Variants in CLASP1 observed in about 807,000 individuals in gnomAD.
CLASP1 encodes the protein cytoplasmic linker associated protein 1.
Under a neutral mutation model 192.3 loss-of-function variants are expected in CLASP1, and 38 were observed. The ratio of observed to expected loss-of-function variants is 0.20; its 90% CI spans 0.15 to 0.26. CLASP1 has a LOEUF of 0.26. Among genes scored for constraint, CLASP1 ranks in the 10% least tolerant of loss-of-function variants. The pLI is 1.00. For synonymous variants in CLASP1, 691 were observed against 712.8 expected (o/e 0.97, Z 0.49); for missense variants, 1,433 against 1,932.5 (o/e 0.74, Z 4.85).
chr2:121,502,404 A>G (rs1313418908), intron 8 of CLASP1, among the ~76,000 whole-genome samples: 1 of 152,208 alleles, frequency 6.6e-6, no homozygotes, highest in Non-Finnish European at 1.5e-5. Flanking sequence ...AACCCTGGAC[A>G]TGCTATTCTG....
chr2:121,622,425 C>T (rs1315923164), intron 1 of CLASP1, among the ~76,000 whole-genome samples: 1 of 151,584 alleles, frequency 6.6e-6, no homozygotes, highest in Non-Finnish European at 1.5e-5. Flanking sequence ...AAAAATTAGC[C>T]AGGCGTGGTG....
At chr2:121,384,709 C>T (rs985649926) in intron 32 of CLASP1, among the ~76,000 whole-genome samples, 11 of 152,066 alleles carry the variant, frequency 7.2e-5, no homozygotes, top group African/African-American at 2.2e-4. Flanking sequence ...TTCGAGACTC[C>T]GTTTCTACTA....
At chr2:121,377,726 A>G in intron 33 of CLASP1, 77 bp from the exon 35 acceptor site, 1 of 999,532 alleles carries the variant, frequency 1.0e-6, no homozygotes, top group Non-Finnish European at 1.4e-6. Context: ...GTTACTTCCC[A>G]CAATTTAAAG....
At chr2:121,418,570 C>T in intron 23 of CLASP1, 52 bp downstream of exon 23, 1 of 1,275,856 alleles carries the variant, frequency 7.8e-7, no homozygotes, top group Non-Finnish European at 1.1e-6. Flanking sequence ...GTGTCTCGGA[C>T]AAGCAGGGAA....
Position 121,515,777 on chromosome 2 carries a change from A to C in CLASP1, c.547-15T>G. On this transcript the variant is annotated splice_polypyrimidine_tract_variant and intron_variant, in intron 6 of 39. Transcript: ENST00000263710. ...GCATCTCGAACCTAGATATAAAAGA[A>C]GAGATCTTACAGCTGCTCTGTGTCA... 1 of 1,609,208 alleles carries C rather than the reference A, an allele frequency of 6.2e-7. No individual in the cohort carries two copies. The highest frequency in any genetic ancestry group is 8.5e-7 in the Non-Finnish European group (1 of 1,175,744).
intron 1 of CLASP1, among the ~76,000 whole-genome samples, chr2:121,637,984 A>G (rs568462473): frequency 6.6e-6 from 1 of 152,286 alleles, no homozygotes; most frequent in South Asian, 2.1e-4. Context: ...GAGATAACAC[A>G]AGCAACAAAA....
chr2:121,517,816 C>T (rs1434938453), intron 6 of CLASP1, among the ~76,000 whole-genome samples: 3 of 140,492 alleles, frequency 2.1e-5, no homozygotes, highest in African/African-American at 7.8e-5. Context: ...AGCTATAATC[C>T]TACCACCACA....
At chr2:121,450,203 C>T (rs1423090595) in intron 16 of CLASP1, among the ~76,000 whole-genome samples, 2 of 151,912 alleles carry the variant, frequency 1.3e-5, no homozygotes, top group Non-Finnish European at 2.9e-5. Context: ...TGAGGGCAGG[C>T]GCCTGTAGTC....
intron 31 of CLASP1, among the ~76,000 whole-genome samples, 154 bp downstream of exon 32, chr2:121,387,609 T>C (rs2073536350): frequency 6.6e-6 from 1 of 152,184 alleles, no homozygotes; most frequent in Non-Finnish European, 1.5e-5. Flanking sequence ...ATTCATTCAT[T>C]CACTGGGGCT....
At chr2:121,514,586 C>T (rs533969379) in intron 7 of CLASP1, among the ~76,000 whole-genome samples, 1 of 152,114 alleles carries the variant, frequency 6.6e-6, no homozygotes, top group Non-Finnish European at 1.5e-5. Flanking sequence ...TTATTCCCAT[C>T]TAATCATCCT....
At chr2:121,576,075 A>G (rs901711034) in intron 2 of CLASP1, among the ~76,000 whole-genome samples, 1 of 152,254 alleles carries the variant, frequency 6.6e-6, no homozygotes, top group Non-Finnish European at 1.5e-5. Flanking sequence ...TTGACCATCA[A>G]AAAATCTTGT....
intron 19 of CLASP1, among the ~76,000 whole-genome samples, chr2:121,443,967 A>C (rs1025982049): frequency 2.0e-5 from 3 of 152,200 alleles, no homozygotes; most frequent in Non-Finnish European, 4.4e-5. Context: ...AGGGTGACTA[A>C]ATAATATATG....
chr2:121,379,707 C>G (rs2071176613), intron 33 of CLASP1, among the ~76,000 whole-genome samples: 1 of 152,144 alleles, frequency 6.6e-6, no homozygotes, highest in African/African-American at 2.4e-5. Context: ...GGGGAACGTT[C>G]AAGTTTTTTT....
chr2:121,347,119 G>A (rs1312923109), exon 39 of CLASP1: 1 of 1,583,678 alleles, frequency 6.3e-7, no homozygotes, highest in Admixed American at 1.8e-5. Flanking sequence ...AAAACACGCT[G>A]GCCTTACGCA....
At chr2:121,555,434 A>C (rs1387276608) in intron 2 of CLASP1, among the ~76,000 whole-genome samples, 2 of 152,226 alleles carry the variant, frequency 1.3e-5, no homozygotes, top group Non-Finnish European at 2.9e-5. Context: ...AAGAGTCTAG[A>C]CTGCAACCTT....
intron 33 of CLASP1, 32 bp downstream of exon 34, chr2:121,382,176 A>G (rs2071837614): frequency 6.6e-7 from 1 of 1,515,824 alleles, no homozygotes; most frequent in African/African-American, 1.4e-5. Context: ...ATATTGTGAC[A>G]CCTCAGACAA....
chr2:121,460,803 G>A (rs2087772947), intron 11 of CLASP1, among the ~76,000 whole-genome samples: 1 of 152,104 alleles, frequency 6.6e-6, no homozygotes, highest in South Asian at 2.1e-4. Context: ...CCACCTTAAA[G>A]GCAAACAATC....
chr2:121,560,597 A>C (rs775731354), intron 2 of CLASP1, among the ~76,000 whole-genome samples: 3 of 152,220 alleles, frequency 2.0e-5, no homozygotes, highest in Non-Finnish European at 4.4e-5. Flanking sequence ...ACATCCAAGA[A>C]CATCCCTCTG....
intron 19 of CLASP1, among the ~76,000 whole-genome samples, chr2:121,433,482 C>T (rs983365145): frequency 1.3e-5 from 2 of 152,122 alleles, no homozygotes; most frequent in African/African-American, 2.4e-5. Flanking sequence ...AGGTGAGGCA[C>T]GGCGGCTCAC....
Sources: gnomAD v4.1 joint callset for allele counts (sites outside exome capture counted in the v4.1 genomes callset) on GRCh38, gnomAD v4.1.1 for gene constraint, MANE v1.5 for transcripts, NCBI Gene and HGNC (gene_info 2026-07-23, HGNC 2026-07-21) for gene names.